The following LRRC53 variants were observed in gnomAD, a reference collection of about 807,000 sequenced individuals.
LRRC53 encodes leucine-rich repeat-containing protein 53.
In LRRC53, 25 loss-of-function variants were observed where a neutral mutation model predicts 13.6. The ratio of observed to expected loss-of-function variants is 1.83; its 90% CI spans 1.34 to 2.56. LRRC53 has a LOEUF of 2.56. Among genes scored for constraint, LRRC53 ranks in the 30% most tolerant of loss-of-function variants. The pLI is 0.00. For synonymous variants in LRRC53, 204 were observed against 109.8 expected (o/e 1.86, Z -5.37); for missense variants, 527 against 275.8 (o/e 1.91, Z -6.45).
chr1:74,523,668 T>C, the LRRC53 span, among the ~76,000 whole-genome samples: 9 of 152,342 alleles, frequency 5.9e-5, no homozygotes, highest in Non-Finnish European at 1.2e-4. Context: ...GTTGGCAGTG[T>C]CTGGTCTGGT....
Position 74,471,832 on chromosome 1 carries a change from G to T in LRRC53, c.1790C>A (p.Ser597Ter). 2.2e-6 allele frequency: 1 copy of T among 446,634 alleles called. No homozygotes were observed. The highest frequency in any genetic ancestry group is 6.1e-5 in the South Asian group (1 of 16,408). The allele number at this position is 446,634 out of a possible 1,614,324, so 27.7% of individuals were successfully genotyped here. Residue 597 changes from serine (S) to a stop codon, truncating the protein, a stop_gained, in exon 5 of 5, where the codon TCA becomes TAA. Transcript: ENST00000294635. LOFTEE classifies it low-confidence loss of function (END_TRUNC). ...KEKKPNRRQH[S>*]KPEKEQIQIN... ...TTGGATTTGCTCTTTCTCAGGCTTT[G>T]AGTGTTGTCTACGATTTGGCTTCTT...
Position 74,489,172 on chromosome 1 carries a change from C to A in LRRC53, c.-26-5797G>T, listed in dbSNP as rs201140407. 1.2e-6 allele frequency: 2 copies of A among 1,601,808 alleles called. No homozygotes were observed. Among genetic ancestry groups the A allele is most frequent in the Non-Finnish European group, 1.7e-6 (2 of 1,175,720 alleles). ...CTTTTATTCTTAAGGGAAAAAAGTT[C>A]TTTTTTCTATTTACAGGGAAGACCC... On this transcript the variant is annotated intron_variant, in intron 1 of 4. Transcript: ENST00000294635.
chr1:74,471,221 G>A lies in LRRC53; in HGVS notation c.2401C>T (p.Arg801Ter), dbSNP rs950595379. 6 of 400,558 alleles carry A rather than the reference G, an allele frequency of 1.5e-5. No individual in the cohort carries two copies. The highest frequency in any genetic ancestry group is 4.1e-5 in the African/African-American group (2 of 48,662). 24.8% of individuals were successfully genotyped at this position (400,558 alleles called of 1,614,324 possible). ...AGCAGGGGGGCACGTTTAGTGTTTCGTTGATAATATGGGGTCTGCTTTGAG... is the reference window on the plus strand; with the variant it reads ...AGCAGGGGGGCACGTTTAGTGTTTCATTGATAATATGGGGTCTGCTTTGAG... The part of the protein sequence containing the change: ...HDSKQTPYYQ[R>*]NTKRAPLLSA... Residue 801 changes from arginine to a stop codon, truncating the protein, a stop_gained, in exon 5 of 5, where the codon CGA becomes TGA. Transcript: ENST00000294635. LOFTEE classifies it low-confidence loss of function (END_TRUNC).
intron 1 of LRRC53, among the ~76,000 whole-genome samples, chr1:74,492,667 G>T (rs1669139323): frequency 6.6e-6 from 1 of 152,016 alleles, no homozygotes; most frequent in Non-Finnish European, 1.5e-5. Context: ...TCCATTCCTA[G>T]GAATATACCC....
intron 1 of LRRC53, among the ~76,000 whole-genome samples, chr1:74,485,458 A>T (rs1668708039): frequency 6.6e-6 from 1 of 152,080 alleles, no homozygotes; most frequent in Non-Finnish European, 1.5e-5. Flanking sequence ...TTTTTCCAGG[A>T]TCTCCTCTCA....
chr1:74,520,028 T>C, the LRRC53 span, among the ~76,000 whole-genome samples: 1 of 152,200 alleles, frequency 6.6e-6, no homozygotes, highest in Non-Finnish European at 1.5e-5. Flanking sequence ...CATAAGTTTT[T>C]GGGGAACAGG....
chr1:74,528,353 G>A, the LRRC53 span, among the ~76,000 whole-genome samples: 1 of 152,148 alleles, frequency 6.6e-6, no homozygotes. Context: ...CCCCAGGTAA[G>A]TGAGGAGCGG....
chr1:74,498,184 A>G (rs570981020), intron 1 of LRRC53, among the ~76,000 whole-genome samples: 1 of 152,352 alleles, frequency 6.6e-6, no homozygotes, highest in African/African-American at 2.4e-5. Flanking sequence ...ACTAGTTCCC[A>G]TAAACACCCC....
chr1:74,506,014 A>G (rs1476885121), intron 1 of LRRC53, among the ~76,000 whole-genome samples: 1 of 152,170 alleles, frequency 6.6e-6, no homozygotes, highest in East Asian at 1.9e-4. Context: ...GGCCTTCATC[A>G]GTCTCTTATT....
chr1:74,488,409 C>T (rs1216891190), intron 1 of LRRC53, among the ~76,000 whole-genome samples: 1 of 152,070 alleles, frequency 6.6e-6, no homozygotes, highest in Non-Finnish European at 1.5e-5. Flanking sequence ...GGTTACTGAA[C>T]CTGAATGTTA....
chr1:74,513,550 T>C (rs895529882), upstream of LRRC53, among the ~76,000 whole-genome samples: 1 of 152,224 alleles, frequency 6.6e-6, no homozygotes, highest in Non-Finnish European at 1.5e-5. Context: ...TCTTCCTTTT[T>C]TTCTCTATGC....
At chr1:74,483,132 G>A in intron 2 of LRRC53, 130 bp downstream of exon 2, 1 of 521,940 alleles carries the variant, frequency 1.9e-6, no homozygotes, top group Non-Finnish European at 3.5e-6. Flanking sequence ...TTTAGTCATT[G>A]TATGAAGTGT....
At chr1:74,524,654 G>A in the LRRC53 span, among the ~76,000 whole-genome samples, 14 of 126,868 alleles carry the variant, frequency 1.1e-4, no homozygotes, top group South Asian at 9.0e-4. Flanking sequence ...TTACTTTTAG[G>A]TTCTGGAGAT....
At chr1:74,493,215 G>T (rs1421139317) in intron 1 of LRRC53, among the ~76,000 whole-genome samples, 4 of 152,150 alleles carry the variant, frequency 2.6e-5, no homozygotes, top group African/African-American at 9.7e-5. Context: ...GGAGGAGGGA[G>T]AAATTGGGAG....
the LRRC53 span, among the ~76,000 whole-genome samples, chr1:74,537,005 T>G: frequency 6.6e-6 from 1 of 152,190 alleles, no homozygotes; most frequent in Non-Finnish European, 1.5e-5. Context: ...CTGTTTTGTT[T>G]GACCTGGCAT....
intron 1 of LRRC53, among the ~76,000 whole-genome samples, chr1:74,505,838 C>A (rs1363878321): frequency 1.3e-5 from 2 of 152,170 alleles, no homozygotes; most frequent in Non-Finnish European, 2.9e-5. Flanking sequence ...AAAATCTTCA[C>A]CATTAATATT....
At chr1:74,497,343 C>T (rs1057384748) in intron 1 of LRRC53, among the ~76,000 whole-genome samples, 6 of 152,044 alleles carry the variant, frequency 3.9e-5, no homozygotes, top group African/African-American at 1.4e-4. Flanking sequence ...TCATCTACCA[C>T]CTCTCTTGCA....
the LRRC53 span, among the ~76,000 whole-genome samples, chr1:74,519,306 A>C: frequency 1.1e-5 from 1 of 94,250 alleles, no homozygotes; most frequent in Admixed American, 1.2e-4. Context: ...GGTTGGTTCT[A>C]AGTCTTTGCT....
At chr1:74,497,109 TA>T (rs1452616154) in intron 1 of LRRC53, among the ~76,000 whole-genome samples, 2 of 152,200 alleles carry the variant, frequency 1.3e-5, no homozygotes, top group African/African-American at 4.8e-5. Flanking sequence ...GAATGCAGTT[TA>T]TAAAAGTTGA....
Sources: gnomAD v4.1 joint callset for allele counts (sites outside exome capture counted in the v4.1 genomes callset) on GRCh38, gnomAD v4.1.1 for gene constraint, MANE v1.5 for transcripts, NCBI Gene and HGNC (gene_info 2026-07-23, HGNC 2026-07-21) for gene names.